CNTN5: variants seen among roughly 807,000 people sequenced by gnomAD.
CNTN5 encodes contactin-5.
Under a neutral mutation model 129.1 loss-of-function variants are expected in CNTN5, and 77 were observed. That is an observed-to-expected ratio of 0.60 (90% confidence interval 0.50 to 0.72). CNTN5 has a LOEUF of 0.72. CNTN5 is among the 30% of genes least tolerant of loss of function. CNTN5 has a pLI of 0.00. For synonymous variants in CNTN5, 509 were observed against 465.6 expected (o/e 1.09, Z -1.20); for missense variants, 1,478 against 1,328.8 (o/e 1.11, Z -1.75).
intron 15 of CNTN5, among the ~76,000 whole-genome samples, chr11:100,197,689 T>C (rs1322680740): frequency 1.3e-5 from 2 of 152,030 alleles, no homozygotes; most frequent in Non-Finnish European, 2.9e-5. Flanking sequence ...AGTCCTCTAA[T>C]TATTCAAATA....
intron 1 of CNTN5, among the ~76,000 whole-genome samples, chr11:99,029,168 A>T (rs1297508660): frequency 6.6e-6 from 1 of 151,806 alleles, no homozygotes; most frequent in Non-Finnish European, 1.5e-5. Flanking sequence ...CTAGGAAGAA[A>T]TTTTTATTTT....
At chr11:99,398,048 T>G (rs2136203889) in intron 2 of CNTN5, among the ~76,000 whole-genome samples, 1 of 151,976 alleles carries the variant, frequency 6.6e-6, no homozygotes, top group East Asian at 1.9e-4. Flanking sequence ...ACATTGATAT[T>G]CTACAACCTC....
At chr11:99,485,478 T>C (rs1464177533) in intron 2 of CNTN5, among the ~76,000 whole-genome samples, 1 of 152,136 alleles carries the variant, frequency 6.6e-6, no homozygotes, top group Non-Finnish European at 1.5e-5. Flanking sequence ...TTGTAACATA[T>C]GTACCATTGT....
intron 2 of CNTN5, among the ~76,000 whole-genome samples, chr11:99,444,708 A>G (rs1282535304): frequency 1.3e-5 from 2 of 152,100 alleles, no homozygotes; most frequent in Non-Finnish European, 2.9e-5. Flanking sequence ...TTACATACAT[A>G]TATGTATACA....
intron 1 of CNTN5, among the ~76,000 whole-genome samples, chr11:99,042,772 T>C (rs1864055925): frequency 6.7e-6 from 1 of 148,614 alleles, no homozygotes; most frequent in African/African-American, 2.6e-5. Context: ...TAAATACTTA[T>C]TGAATGAATG....
At chr11:100,035,481 TAC>T (rs1399784231) in intron 9 of CNTN5, among the ~76,000 whole-genome samples, 2 of 147,110 alleles carry the variant, frequency 1.4e-5, no homozygotes, top group Non-Finnish European at 3.0e-5. Context: ...TTTGGGTATA[TAC>T]CCAGTAATGG....
intron 3 of CNTN5, among the ~76,000 whole-genome samples, chr11:99,768,622 G>T (rs80248814): frequency 9.2e-5 from 14 of 152,138 alleles, no homozygotes; most frequent in Admixed American, 7.2e-4. Flanking sequence ...TTGGATTTAC[G>T]TGATGATTTC....
chr11:100,139,527 A>G (rs972492071), intron 13 of CNTN5, among the ~76,000 whole-genome samples: 1 of 152,150 alleles, frequency 6.6e-6, no homozygotes, highest in Non-Finnish European at 1.5e-5. Flanking sequence ...GAGCAGGCGC[A>G]GTAAGCCAGG....
chr11:99,241,569 T>C (rs1029777407), intron 1 of CNTN5, among the ~76,000 whole-genome samples: 2 of 152,090 alleles, frequency 1.3e-5, no homozygotes, highest in Admixed American at 6.6e-5. Context: ...TATACATATA[T>C]GTGTGTGTAG....
chr11:100,074,757 G>A (rs1165243017), intron 13 of CNTN5, among the ~76,000 whole-genome samples: 1 of 152,036 alleles, frequency 6.6e-6, no homozygotes, highest in Admixed American at 6.6e-5. Context: ...TCATATTTAG[G>A]CAAAATAGTA....
intron 3 of CNTN5, among the ~76,000 whole-genome samples, chr11:99,578,318 A>C (rs1337489784): frequency 3.3e-5 from 5 of 151,548 alleles, no homozygotes; most frequent in African/African-American, 1.2e-4. Context: ...TGGCAGCATG[A>C]TTTATAATCC....
chr11:99,533,591 G>C (rs952651653), intron 2 of CNTN5, among the ~76,000 whole-genome samples: 2 of 152,226 alleles, frequency 1.3e-5, no homozygotes, highest in Admixed American at 1.3e-4. Flanking sequence ...CCTGTCAGCT[G>C]TCCAGCTAGC....
At chr11:99,147,462 A>C (rs1313843486) in intron 1 of CNTN5, among the ~76,000 whole-genome samples, 1 of 152,180 alleles carries the variant, frequency 6.6e-6, no homozygotes, top group African/African-American at 2.4e-5. Context: ...TTAGTTTTAT[A>C]ATTTTATTTC....
intron 7 of CNTN5, among the ~76,000 whole-genome samples, chr11:99,938,179 C>T (rs1268940698): frequency 2.6e-5 from 4 of 152,062 alleles, no homozygotes; most frequent in Non-Finnish European, 5.9e-5. Flanking sequence ...TCTGTAGGTT[C>T]ATAGGACAAG....
At chr11:99,244,581 T>A (rs185603829) in intron 1 of CNTN5, among the ~76,000 whole-genome samples, 1 of 152,296 alleles carries the variant, frequency 6.6e-6, no homozygotes, top group East Asian at 1.9e-4. Flanking sequence ...TGTTGTTGAC[T>A]TCGAGTTATA....
intron 2 of CNTN5, among the ~76,000 whole-genome samples, chr11:99,427,297 A>T (rs1257220529): frequency 6.6e-6 from 1 of 152,200 alleles, no homozygotes; most frequent in Non-Finnish European, 1.5e-5. Context: ...TTAGATCTTG[A>T]AGATAAAATA....
intron 2 of CNTN5, among the ~76,000 whole-genome samples, chr11:99,398,595 T>A (rs1320530867): frequency 6.6e-6 from 1 of 151,988 alleles, no homozygotes; most frequent in African/African-American, 2.4e-5. Flanking sequence ...ATCATATAAT[T>A]GGAATTATAT....
At position 100,299,202 on chromosome 11, in the gene CNTN5, A is replaced by G. The variant is rs1295782995; in HGVS notation, c.2426A>G (p.Tyr809Cys). Residue 809 changes from tyrosine (Y) to cysteine (C), a missense_variant, in exon 20 of 25, where the codon TAT becomes TGT. Tyr to Cys is a radical substitution (Grantham distance 194). Coordinates refer to ENST00000524871, the MANE Select transcript of CNTN5 (RefSeq NM_014361.4). Reference sequence around the variant, plus strand: ...TTTCAGAATGGGGAAGGCTTCGGCTATATTGTGGCTTTCAGACCCAATGGA... The same window carrying G: ...TTTCAGAATGGGGAAGGCTTCGGCTGTATTGTGGCTTTCAGACCCAATGGA... ...EEFQNGEGFG[Y>C]IVAFRPNGTR... 6.2e-7 allele frequency: 1 copy of G among 1,609,448 alleles called. No individual in the cohort carries two copies. The highest frequency in any genetic ancestry group is 8.5e-7 in the Non-Finnish European group (1 of 1,177,092).
intron 6 of CNTN5, among the ~76,000 whole-genome samples, chr11:99,858,656 T>C (rs1948114165): frequency 7.9e-6 from 1 of 127,068 alleles, no homozygotes; most frequent in Non-Finnish European, 1.8e-5. Flanking sequence ...TTTAGTGATA[T>C]TGTGTTTTCG....
Sources: gnomAD v4.1 joint callset for allele counts (sites outside exome capture counted in the v4.1 genomes callset) on GRCh38, gnomAD v4.1.1 for gene constraint, MANE v1.5 for transcripts, NCBI Gene and HGNC (gene_info 2026-07-23, HGNC 2026-07-21) for gene names.